The following MTUS2 variants were observed in gnomAD, a reference collection of about 807,000 sequenced individuals.
MTUS2 encodes microtubule associated scaffold protein 2, also known as microtubule-associated tumor suppressor candidate 2.
A neutral mutation model predicts 114.1 loss-of-function variants in MTUS2; 40 were observed. The observed-to-expected ratio is 0.35, with a 90% CI of 0.27 to 0.46. The LOEUF (loss-of-function observed/expected upper bound fraction) is 0.46. Among genes scored for constraint, MTUS2 ranks in the 20% least tolerant of loss-of-function variants. MTUS2 has a pLI of 1.00. For missense variants in MTUS2, 1,679 were observed against 1,705.4 expected (o/e 0.98, Z 0.27); for synonymous variants, 688 against 672.0 (o/e 1.02, Z -0.37).
At chr13:29,033,594 C>G (rs544760535) in intron 3 of MTUS2, among the ~76,000 whole-genome samples, 8 of 152,078 alleles carry the variant, frequency 5.3e-5, no homozygotes. Context: ...CACTCAGATT[C>G]TAGTGATTTT....
chr13:28,956,889 G>A (rs1332293772), intron 2 of MTUS2, among the ~76,000 whole-genome samples: 2 of 151,562 alleles, frequency 1.3e-5, no homozygotes, highest in Admixed American at 1.3e-4. Flanking sequence ...AAAGTGTGAT[G>A]GCGACAGAGG....
chr13:29,491,432 GGT>G (rs773060109), intron 11 of MTUS2, among the ~76,000 whole-genome samples: 2 of 148,682 alleles, frequency 1.3e-5, no homozygotes, highest in African/African-American at 2.5e-5. Context: ...GAATGTGTGT[GGT>G]GTGTGTGTAG....
chr13:28,845,486 C>A (rs1231052682), intron 2 of MTUS2, among the ~76,000 whole-genome samples: 1 of 152,060 alleles, frequency 6.6e-6, no homozygotes, highest in Non-Finnish European at 1.5e-5. Flanking sequence ...ACAAATTTAC[C>A]TAGTCTTTTG....
chr13:28,934,565 C>T (rs908907094), intron 2 of MTUS2, among the ~76,000 whole-genome samples: 1 of 151,928 alleles, frequency 6.6e-6, no homozygotes, highest in African/African-American at 2.4e-5. Context: ...CTGTTGTTGC[C>T]CAGGCTGGAG....
intron 4 of MTUS2, among the ~76,000 whole-genome samples, chr13:29,049,480 G>T (rs1251353078): frequency 1.3e-5 from 2 of 152,204 alleles, no homozygotes; most frequent in Non-Finnish European, 2.9e-5. Flanking sequence ...GAGAGGTTTA[G>T]CAATGAAGCT....
chr13:29,480,511 C>T lies in MTUS2; in HGVS notation c.3399+147C>T, dbSNP rs1024416795. On this transcript the variant is annotated intron_variant, in intron 10 of 15. Transcript: ENST00000612955. This position sits in a 1 kb window ranked among gnomAD's most constrained non-coding sequence, Gnocchi z 4.4. Reference sequence around the variant, plus strand: ...TCTGAGTTGCTTTCTCCTTTCTCCCCGCTCCTCTCTTCTCCTCCAGCCACT... The same window carrying T: ...TCTGAGTTGCTTTCTCCTTTCTCCCTGCTCCTCTCTTCTCCTCCAGCCACT... The T allele has an allele frequency of 3.0e-5, 27 of 891,880 alleles. No individual in the cohort carries two copies. The South Asian group carries it at 3.5e-4, about 12-fold the overall frequency. The allele number at this position is 891,880 out of a possible 1,614,324, so 55.2% of individuals were successfully genotyped here. A position where few individuals can be genotyped will look rare whatever the true frequency, so the allele number is the denominator to read the frequency against.
intron 5 of MTUS2, among the ~76,000 whole-genome samples, chr13:29,186,892 G>A (rs895967138): frequency 2.0e-5 from 3 of 151,930 alleles, no homozygotes; most frequent in Non-Finnish European, 2.9e-5. Flanking sequence ...CCTCAATGAG[G>A]GATTAAAATT....
At chr13:28,842,933 C>G (rs1344758641) in intron 2 of MTUS2, among the ~76,000 whole-genome samples, 4 of 152,184 alleles carry the variant, frequency 2.6e-5, no homozygotes, top group Non-Finnish European at 4.4e-5. Flanking sequence ...GGGACAGGTG[C>G]TGCCATGGCT....
chr13:29,354,920 C>T (rs897885221), intron 7 of MTUS2, among the ~76,000 whole-genome samples: 2 of 152,228 alleles, frequency 1.3e-5, no homozygotes, highest in Admixed American at 6.5e-5. Context: ...TGTCACGATG[C>T]TGACCAAACC....
In MTUS2 at chr13:29,414,274, G is replaced by A. The variant is rs1327563344; in HGVS notation, c.3118-25709G>A. On this transcript the variant is annotated intron_variant, in intron 8 of 15. Transcript: ENST00000612955. ...GAACAATGAGATCACATGGACACAGGAAGGGGAATATCACACTCTGGGGAC... is the reference window on the plus strand; with the variant it reads ...GAACAATGAGATCACATGGACACAGAAAGGGGAATATCACACTCTGGGGAC... Among the ~76,000 whole-genome samples, 10 of 86,440 alleles carry A rather than the reference G, an allele frequency of 1.2e-4. No individual in the cohort carries two copies. The East Asian group carries it at 2.8e-3, about 24-fold the overall frequency. 56.7% of individuals were successfully genotyped at this position (86,440 alleles called of 152,430 possible). A position where few individuals can be genotyped will look rare whatever the true frequency, so the allele number is the denominator to read the frequency against.
At chr13:29,182,756 C>T (rs1252274286) in intron 5 of MTUS2, among the ~76,000 whole-genome samples, 4 of 152,154 alleles carry the variant, frequency 2.6e-5, no homozygotes, top group Non-Finnish European at 4.4e-5. Flanking sequence ...TACCAGAATA[C>T]GTTGGAAACT....
intron 14 of MTUS2, among the ~76,000 whole-genome samples, chr13:29,500,515 A>C (rs1882815277): frequency 5.3e-5 from 8 of 152,176 alleles, no homozygotes; most frequent in Admixed American, 5.2e-4. Flanking sequence ...TTTGGGGATA[A>C]TGTACCCAGC....
Position 29,091,727 on chromosome 13 carries a change from C to T in MTUS2, c.2447-9046C>T, listed in dbSNP as rs565785736. 2.0e-5 allele frequency among the ~76,000 whole-genome samples: 3 copies of T among 152,306 alleles called. No individual in the cohort carries two copies. In the East Asian group the frequency reaches 5.8e-4, roughly 29 times the overall value. On this transcript the variant is annotated intron_variant, in intron 4 of 15. Transcript: ENST00000612955. ...GACTGAGACACATGCCTAGGGCCAG[C>T]TTAAGAAAGCCCTACCCCAATCTCA...
chr13:29,421,630 C>G (rs1286401549), intron 8 of MTUS2, among the ~76,000 whole-genome samples: 2 of 152,172 alleles, frequency 1.3e-5, no homozygotes, highest in Non-Finnish European at 2.9e-5. Flanking sequence ...TGGGTGTAAA[C>G]ATGAGTGTGG....
intron 5 of MTUS2, 97 bp from the exon 6 acceptor site, chr13:29,281,607 C>G: frequency 7.6e-7 from 1 of 1,309,830 alleles, no homozygotes; most frequent in East Asian, 2.6e-5. Flanking sequence ...AGTTCTAAAG[C>G]AGATGACGGC....
chr13:29,243,856 C>G (rs991279063), intron 5 of MTUS2, among the ~76,000 whole-genome samples: 1 of 152,110 alleles, frequency 6.6e-6, no homozygotes, highest in Non-Finnish European at 1.5e-5. Flanking sequence ...CCTAGATGAT[C>G]CTAATTTATA....
chr13:28,907,434 T>C (rs1426692001), intron 2 of MTUS2, among the ~76,000 whole-genome samples: 1 of 151,348 alleles, frequency 6.6e-6, no homozygotes, highest in Non-Finnish European at 1.5e-5. Context: ...GACTAAATGC[T>C]CCAATTAAAA....
Position 29,482,610 on chromosome 13 carries a change from A to G in MTUS2, c.3399+2246A>G, listed in dbSNP as rs546466661. On this transcript the variant is annotated intron_variant, in intron 10 of 15. Transcript: ENST00000612955. ...ACCATGACAGGATACTGCAAGAGATACTAAGATTTATAAAATGTGGGCTTG... is the reference window on the plus strand; with the variant it reads ...ACCATGACAGGATACTGCAAGAGATGCTAAGATTTATAAAATGTGGGCTTG... 7.9e-5 allele frequency among the ~76,000 whole-genome samples: 12 copies of G among 152,348 alleles called. No homozygotes were observed. The South Asian group carries it at 2.3e-3, about 29-fold the overall frequency.
intron 7 of MTUS2, among the ~76,000 whole-genome samples, chr13:29,353,798 T>C (rs1869501170): frequency 6.6e-6 from 1 of 152,198 alleles, no homozygotes; most frequent in African/African-American, 2.4e-5. Flanking sequence ...TGTTCCACGC[T>C]GGCTGCTGAG....
Sources: gnomAD v4.1 joint callset for allele counts (sites outside exome capture counted in the v4.1 genomes callset) on GRCh38, gnomAD v4.1.1 for gene constraint, Gnocchi (gnomAD v3.1) non-coding constraint, MANE v1.5 for transcripts, NCBI Gene and HGNC (gene_info 2026-07-23, HGNC 2026-07-21) for gene names.